The following PLEKHA8 variants were observed in gnomAD, a reference collection of about 807,000 sequenced individuals.
PLEKHA8 encodes the protein pleckstrin homology domain containing A8, also known as pleckstrin homology domain-containing family A member 8.
A neutral mutation model predicts 68.2 loss-of-function variants in PLEKHA8; 36 were observed. That is an observed-to-expected ratio of 0.53 (90% CI 0.40 to 0.70). The LOEUF (loss-of-function observed/expected upper bound fraction) is 0.70. Ranked by LOEUF, PLEKHA8 falls within the 30% of genes least tolerant of loss-of-function variation. The pLI is 0.00. For missense variants in PLEKHA8, 505 were observed against 615.4 expected (o/e 0.82, Z 1.90); for synonymous variants, 211 against 216.1 (o/e 0.98, Z 0.20).
rs1372178765 is a variant in PLEKHA8, at chr7:30,028,638, C to A, written c.-125C>A. The A allele has an allele frequency of 1.4e-6, 1 of 703,672 alleles. No individual in the cohort carries two copies. The highest frequency in any genetic ancestry group is 2.0e-6 in the Non-Finnish European group (1 of 505,692). 43.6% of individuals were successfully genotyped at this position (703,672 alleles called of 1,614,324 possible). A position where few individuals can be genotyped will look rare whatever the true frequency, so the allele number is the denominator to read the frequency against. Reference sequence around the variant, plus strand: ...GCGGGCCGGGCGTCCCCACACCGGGCCCGGGCGCCGGGAGTGGGCGTCTGG... The same window carrying A: ...GCGGGCCGGGCGTCCCCACACCGGGACCGGGCGCCGGGAGTGGGCGTCTGG... On this transcript the variant is annotated 5_prime_UTR_variant, in exon 1 of 14. Transcript: ENST00000449726.
In PLEKHA8 at chr7:30,081,145, G is replaced by A; in HGVS notation, c.*2358G>A. 2.0e-6 allele frequency: 2 copies of A among 985,324 alleles called. No individual in the cohort carries two copies. Among genetic ancestry groups the A allele is most frequent in the East Asian group, 1.1e-4 (1 of 8,816 alleles). The allele number at this position is 985,324 out of a possible 1,614,324, so 61.0% of individuals were successfully genotyped here. ...CAACTTAATTTGCTGGGAATGAGGG[G>A]CTTAATATTATCTGAGATCATTGAG... is the stretch of plus-strand genomic sequence containing the variant. On this transcript the variant is annotated 3_prime_UTR_variant, in exon 14 of 14. Transcript: ENST00000449726.
Position 30,116,676 on chromosome 7 carries a change from T to C in PLEKHA8, c.1363-12590T>C, listed in dbSNP as rs144659594. Among the ~76,000 whole-genome samples, 4 of 152,296 alleles carry C rather than the reference T, an allele frequency of 2.6e-5. No individual in the cohort carries two copies. In the East Asian group the frequency reaches 7.7e-4, roughly 29 times the overall value. On this transcript the variant is annotated intron_variant, in intron 13 of 13. Transcript: ENST00000396257. ...TGTTGTTTCTCTCCCATATAAATGA[T>C]TTTCATTGACTGTTCTGAATAACTT...
intron 13 of PLEKHA8, among the ~76,000 whole-genome samples, chr7:30,095,923 T>C (rs1316318270): frequency 6.6e-6 from 1 of 152,240 alleles, no homozygotes; most frequent in Non-Finnish European, 1.5e-5. Flanking sequence ...TTTTGGTTAC[T>C]GTAGCCTTGT....
chr7:30,037,065 G>A (rs1392721524), intron 1 of PLEKHA8, among the ~76,000 whole-genome samples: 1 of 152,182 alleles, frequency 6.6e-6, no homozygotes, highest in Non-Finnish European at 1.5e-5. Flanking sequence ...GCTTAGGTTG[G>A]ATATTGGAAA....
Position 30,081,308 on chromosome 7 carries a change from AG to A in PLEKHA8, c.*2522del, listed in dbSNP as rs1430832458. 13 of 985,248 alleles carry A rather than the reference AG, an allele frequency of 1.3e-5. No individual in the cohort carries two copies. In the South Asian group the frequency reaches 4.2e-4, roughly 32 times the overall value. 61.0% of individuals were successfully genotyped at this position (985,248 alleles called of 1,614,324 possible). On this transcript the variant is annotated 3_prime_UTR_variant, in exon 14 of 14. Transcript: ENST00000449726. ...ATTACGTTTGCCTAAGATGTATAAA[AG>A]TTTGTTTAAGATGTGTAAAAGTTTG...
chr7:30,053,631 A>G, intron 7 of PLEKHA8, among the ~76,000 whole-genome samples: 1 of 152,250 alleles, frequency 6.6e-6, no homozygotes, highest in Middle Eastern at 3.2e-3. Context: ...AATATCTGTC[A>G]AAACAGTGCA....
At position 30,028,756 on chromosome 7, in the gene PLEKHA8, G is replaced by A. The variant is rs1032127208; in HGVS notation, c.-7G>A. The A allele has an allele frequency of 7.9e-7, 1 of 1,264,476 alleles. No individual in the cohort carries two copies. The highest frequency in any genetic ancestry group is 1.0e-6 in the Non-Finnish European group (1 of 999,092). 78.3% of individuals were successfully genotyped at this position (1,264,476 alleles called of 1,614,324 possible). A position where few individuals can be genotyped will look rare whatever the true frequency, so the allele number is the denominator to read the frequency against. On this transcript the variant is annotated 5_prime_UTR_variant, in exon 1 of 14. Transcript: ENST00000449726. ...CGGCGGGCGTGGGCCGAGTGGCCGC[G>A]GGCGCCATGGAGGGGGTGCTGTACA...
At chr7:30,036,361 A>C (rs962351620) in intron 1 of PLEKHA8, among the ~76,000 whole-genome samples, 5 of 152,120 alleles carry the variant, frequency 3.3e-5, no homozygotes, top group African/African-American at 1.2e-4. Context: ...AGACTGTCAC[A>C]AATAGATAGT....
At chr7:30,060,612 G>A (rs1793363104) in intron 9 of PLEKHA8, among the ~76,000 whole-genome samples, 2 of 152,108 alleles carry the variant, frequency 1.3e-5, no homozygotes, top group South Asian at 4.1e-4. Context: ...GGACAGTGCA[G>A]CCCTAAGGAT....
chr7:30,056,272 G>GAT (rs1260734577), intron 9 of PLEKHA8, among the ~76,000 whole-genome samples: 6 of 62,536 alleles, frequency 9.6e-5, no homozygotes, highest in Non-Finnish European at 6.6e-5. Flanking sequence ...GATTTTTAAA[G>GAT]ATATATTCTC....
chr7:30,095,957 G>A (rs1249023918), intron 13 of PLEKHA8, among the ~76,000 whole-genome samples: 14 of 152,176 alleles, frequency 9.2e-5, no homozygotes, highest in Admixed American at 2.6e-4. Flanking sequence ...GTCAGGTAGC[G>A]TGATGCCTCC....
intron 1 of PLEKHA8, among the ~76,000 whole-genome samples, chr7:30,034,691 G>A (rs1024290522): frequency 2.6e-5 from 4 of 152,166 alleles, no homozygotes; most frequent in African/African-American, 4.8e-5. Flanking sequence ...AAGAGGAGGG[G>A]TTGGTTTTGC....
intron 12 of PLEKHA8, among the ~76,000 whole-genome samples, chr7:30,065,969 G>A (rs1290802814): frequency 6.6e-6 from 1 of 152,146 alleles, no homozygotes; most frequent in African/African-American, 2.4e-5. Context: ...CTGGGGCCTG[G>A]CAGTCCGTGT....
intron 1 of PLEKHA8, among the ~76,000 whole-genome samples, chr7:30,040,864 C>T (rs540384835): frequency 1.3e-5 from 2 of 152,294 alleles, no homozygotes; most frequent in South Asian, 4.2e-4. Context: ...GGTGATACCA[C>T]ATTGCATCTG....
intron 13 of PLEKHA8, chr7:30,116,034 A>G (rs1474474687): frequency 6.6e-6 from 1 of 150,656 alleles, no homozygotes; most frequent in Non-Finnish European, 1.5e-5. Context: ...GTATACATAC[A>G]TGTGCGCATA....
In PLEKHA8 at chr7:30,083,088, A is replaced by C. The variant is rs1795024988; in HGVS notation, c.*4301A>C. Reference sequence around the variant, plus strand: ...TAAAATTTTTAGATGTAGAGTTTATAAGTAAAATATATTTTTAGCCATTGT... The same window carrying C: ...TAAAATTTTTAGATGTAGAGTTTATCAGTAAAATATATTTTTAGCCATTGT... On this transcript the variant is annotated 3_prime_UTR_variant, in exon 14 of 14. Coordinates refer to ENST00000449726, the MANE Select transcript of PLEKHA8 (RefSeq NM_001197026.2). 1.0e-6 allele frequency: 1 copy of C among 983,544 alleles called. No individual in the cohort carries two copies. The highest frequency in any genetic ancestry group is 1.7e-5 in the African/African-American group (1 of 57,170). 60.9% of individuals were successfully genotyped at this position (983,544 alleles called of 1,614,324 possible).
chr7:30,088,922 T>C (rs1269839787), downstream of PLEKHA8, among the ~76,000 whole-genome samples: 1 of 31,212 alleles, frequency 3.2e-5, no homozygotes, highest in African/African-American at 1.3e-4. Context: ...TAGGGTGGGG[T>C]GGGGGTGGGT....
chr7:30,065,637 T>G, intron 12 of PLEKHA8, among the ~76,000 whole-genome samples: 1 of 152,210 alleles, frequency 6.6e-6, no homozygotes, highest in East Asian at 1.9e-4. Context: ...AAAGAGAGTG[T>G]GTGCAATTTA....
At chr7:30,109,712 C>T (rs1399571118) in intron 13 of PLEKHA8, among the ~76,000 whole-genome samples, 1 of 149,524 alleles carries the variant, frequency 6.7e-6, no homozygotes, top group Admixed American at 6.7e-5. Context: ...CACTTTGTCA[C>T]CCAGGCTGGA....
Sources: gnomAD v4.1 joint callset for allele counts (sites outside exome capture counted in the v4.1 genomes callset) on GRCh38, gnomAD v4.1.1 for gene constraint, MANE v1.5 for transcripts, NCBI Gene and HGNC (gene_info 2026-07-23, HGNC 2026-07-21) for gene names.